SLIT3: variants seen among roughly 807,000 people sequenced by gnomAD.
SLIT3 encodes the protein slit guidance ligand 3, also known as slit homolog 3 protein.
Under a neutral mutation model 184.0 loss-of-function variants are expected in SLIT3, and 68 were observed. The observed-to-expected ratio is 0.37, with a 90% CI of 0.30 to 0.45. SLIT3 has a LOEUF of 0.45. Among genes scored for constraint, SLIT3 ranks in the 20% least tolerant of loss-of-function variants. The probability of loss-of-function intolerance (pLI) is 1.00; values close to 1 mark genes in which losing one functional copy is unlikely to be tolerated. For synonymous variants in SLIT3, 831 were observed against 828.6 expected, an observed-to-expected ratio of 1.00 and a Z score of -0.05; for missense variants, 1,707 against 2,026.0, an observed-to-expected ratio of 0.84 and a Z score of 3.02.
intron 4 of SLIT3, among the ~76,000 whole-genome samples, chr5:168,887,896 T>G (rs1012395973): frequency 6.6e-6 from 1 of 152,160 alleles, no homozygotes; most frequent in African/African-American, 2.4e-5. Flanking sequence ...CCTTCAACTC[T>G]ACAAAGAATA....
chr5:169,287,304 G>C (rs572768275), intron 1 of SLIT3, among the ~76,000 whole-genome samples: 1 of 152,250 alleles, frequency 6.6e-6, no homozygotes, highest in East Asian at 1.9e-4. Context: ...GGTGCTGAGA[G>C]CCCTCAGGAT....
intron 5 of SLIT3, among the ~76,000 whole-genome samples, chr5:168,855,103 GTA>G (rs1758816035): frequency 6.6e-6 from 1 of 152,168 alleles, no homozygotes; most frequent in African/African-American, 2.4e-5. Context: ...ACACACTACT[GTA>G]CCTGGCCCAC....
intron 20 of SLIT3, among the ~76,000 whole-genome samples, chr5:168,736,040 T>A (rs929861272): frequency 6.6e-6 from 1 of 152,196 alleles, no homozygotes. Context: ...TTTACTTTCC[T>A]GGGAAATCCC....
At chr5:169,017,411 A>G (rs151020452) in intron 4 of SLIT3, among the ~76,000 whole-genome samples, 360 of 152,320 alleles carry the variant, frequency 2.4e-3, no homozygotes, top group African/African-American at 8.0e-3. Flanking sequence ...AAGAGCTAAA[A>G]AGAGCATGGC....
chr5:169,149,625 T>C (rs1762047088), intron 4 of SLIT3, among the ~76,000 whole-genome samples: 2 of 152,182 alleles, frequency 1.3e-5, no homozygotes, highest in South Asian at 4.1e-4. Context: ...GAGGAGGAAA[T>C]TGATGTTCCA....
intron 20 of SLIT3, 69 bp downstream of exon 20, chr5:168,748,233 G>A: frequency 7.1e-7 from 1 of 1,407,168 alleles, no homozygotes; most frequent in Non-Finnish European, 9.3e-7. Context: ...TGAGATTCTG[G>A]GGTAAAGTAT....
chr5:168,729,442 CTT>C (rs1763231012), intron 20 of SLIT3, among the ~76,000 whole-genome samples: 1 of 151,932 alleles, frequency 6.6e-6, no homozygotes, highest in South Asian at 2.1e-4. Context: ...TAACAGAAGA[CTT>C]TTCACAGAAA....
chr5:168,678,549 G>A (rs1438828815), intron 32 of SLIT3, among the ~76,000 whole-genome samples: 1 of 152,028 alleles, frequency 6.6e-6, no homozygotes, highest in Non-Finnish European at 1.5e-5. Flanking sequence ...CGGGCGTGGT[G>A]GCGGGTGCCT....
rs571362594 is a variant in SLIT3 at position 168,777,091 on chromosome 5, A to T, written c.1152-2713T>A. Among the ~76,000 whole-genome samples the T allele has an allele frequency of 2.7e-3, 222 of 83,544 alleles. 3 individuals are homozygous for T. The South Asian group carries it at 0.042, about 16-fold the overall frequency. 54.8% of individuals were successfully genotyped at this position (83,544 alleles called of 152,430 possible). On this transcript the variant is annotated intron_variant, in intron 12 of 35. Coordinates refer to ENST00000519560, the MANE Select transcript of SLIT3 (RefSeq NM_003062.4). Reference sequence around the variant, plus strand: ...CACACACACACACACACACACACACACACACACACACACACCCCCCATACC... The same window carrying T: ...CACACACACACACACACACACACACTCACACACACACACACCCCCCATACC...
At chr5:169,273,994 G>C (rs1335999311) in intron 1 of SLIT3, among the ~76,000 whole-genome samples, 1 of 152,108 alleles carries the variant, frequency 6.6e-6, no homozygotes, top group Non-Finnish European at 1.5e-5. Flanking sequence ...ACAATACTAG[G>C]GGAACAACAA....
Position 168,963,209 on chromosome 5 carries a change from T to C in SLIT3, c.414-79873A>G, listed in dbSNP as rs185411318. On this transcript the variant is annotated intron_variant, in intron 4 of 35. Coordinates refer to ENST00000519560, the MANE Select transcript of SLIT3 (RefSeq NM_003062.4). The stretch of plus-strand genomic sequence containing the variant: ...TTCGAAATGGAGTCTCACTCACTGT[T>C]TGGCCAGGCTGGAGTGCAATGGTGC... Among the ~76,000 whole-genome samples the C allele has an allele frequency of 2.0e-5, 3 of 152,308 alleles. No homozygotes were observed. The East Asian group carries it at 5.8e-4, about 29-fold the overall frequency.
intron 20 of SLIT3, among the ~76,000 whole-genome samples, chr5:168,738,925 A>G (rs1355423317): frequency 7.6e-6 from 1 of 131,714 alleles, no homozygotes; most frequent in African/African-American, 2.9e-5. Flanking sequence ...GTGAAAGAGC[A>G]AGACTCCATC....
At chr5:168,881,443 A>G (rs537412052) in intron 5 of SLIT3, among the ~76,000 whole-genome samples, 1 of 152,326 alleles carries the variant, frequency 6.6e-6, no homozygotes, top group South Asian at 2.1e-4. Context: ...ACATCACTAC[A>G]ATATGTTCTT....
At chr5:168,823,780 A>G (rs1290911396) in intron 6 of SLIT3, among the ~76,000 whole-genome samples, 2 of 152,200 alleles carry the variant, frequency 1.3e-5, no homozygotes, top group East Asian at 3.9e-4. Context: ...GGGAGGCAAA[A>G]TAAGTTTTCC....
At chr5:169,265,329 T>A (rs1229867915) in intron 1 of SLIT3, among the ~76,000 whole-genome samples, 1 of 152,212 alleles carries the variant, frequency 6.6e-6, no homozygotes, top group East Asian at 1.9e-4. Flanking sequence ...TGGGAGCATT[T>A]CAAATACAAA....
At chr5:169,110,873 T>C (rs182906764) in intron 4 of SLIT3, among the ~76,000 whole-genome samples, 61 of 152,314 alleles carry the variant, frequency 4.0e-4, no homozygotes, top group Non-Finnish European at 6.9e-4. Flanking sequence ...CAGATGGGAT[T>C]GTGTCACCCT....
intron 6 of SLIT3, among the ~76,000 whole-genome samples, chr5:168,828,273 G>T (rs1386684575): frequency 6.6e-6 from 1 of 152,138 alleles, no homozygotes; most frequent in South Asian, 2.1e-4. Flanking sequence ...CCCTGCTCAA[G>T]AGAGACGACA....
chr5:169,100,016 G>A (rs1194737861), intron 4 of SLIT3, among the ~76,000 whole-genome samples: 6 of 152,178 alleles, frequency 3.9e-5, no homozygotes, highest in Admixed American at 3.9e-4. Flanking sequence ...CTGGCCTTTA[G>A]CTTGGAACGC....
At chr5:169,039,817 C>G (rs920698111) in intron 4 of SLIT3, among the ~76,000 whole-genome samples, 1 of 152,118 alleles carries the variant, frequency 6.6e-6, no homozygotes, top group Non-Finnish European at 1.5e-5. Context: ...CTTATTAAAA[C>G]GAATTCAAAC....
Sources: gnomAD v4.1 joint callset for allele counts (sites outside exome capture counted in the v4.1 genomes callset) on GRCh38, gnomAD v4.1.1 for gene constraint, MANE v1.5 for transcripts, NCBI Gene and HGNC (gene_info 2026-07-23, HGNC 2026-07-21) for gene names.